Variants in LDB2 observed in about 807,000 individuals in gnomAD.
LDB2 encodes the protein LIM domain-binding protein 2.
A neutral mutation model predicts 44.3 loss-of-function variants in LDB2; 12 were observed. The observed-to-expected ratio is 0.27, with a 90% CI of 0.17 to 0.44. LDB2 has a LOEUF of 0.44. Among genes scored for constraint, LDB2 ranks in the 20% least tolerant of loss-of-function variants. The pLI, the probability that LDB2 is intolerant of heterozygous loss-of-function variation, is 1.00. For missense variants in LDB2, 344 were observed against 473.5 expected (o/e 0.73, Z 2.54); for synonymous variants, 164 against 174.8 (o/e 0.94, Z 0.49).
intron 2 of LDB2, among the ~76,000 whole-genome samples, chr4:16,642,639 A>G (rs988260037): frequency 6.6e-6 from 1 of 152,218 alleles, no homozygotes; most frequent in Non-Finnish European, 1.5e-5. Context: ...CTCCTCAATG[A>G]CAGTGGCTCT....
At position 16,582,591 on chromosome 4, in the gene LDB2, AC is replaced by A. The variant is rs956266579; in HGVS notation, c.615+3330del. ...GAACACTGAGGACATGCTTCGTGAA[AC>A]CCACCACCCGGTATCGGAATACCCA... On this transcript the variant is annotated intron_variant, in intron 5 of 7. Coordinates refer to ENST00000304523, the MANE Select transcript of LDB2 (RefSeq NM_001290.5). This position sits in a 1 kb window ranked among gnomAD's most constrained non-coding sequence, Gnocchi z 4.8. Among the ~76,000 whole-genome samples, 2 of 152,074 alleles carry A rather than the reference AC, an allele frequency of 1.3e-5. No individual in the cohort carries two copies. Among genetic ancestry groups the A allele is most frequent in the South Asian group, 2.1e-4 (1 of 4,802 alleles).
intron 1 of LDB2, among the ~76,000 whole-genome samples, chr4:16,779,257 G>T (rs57810877): frequency 2.8e-4 from 43 of 152,256 alleles, no homozygotes; most frequent in African/African-American, 9.9e-4. Context: ...GCTTTCCCCC[G>T]CTAAGTGCAC....
intron 2 of LDB2, among the ~76,000 whole-genome samples, chr4:16,689,305 T>C (rs1750017542): frequency 6.6e-6 from 1 of 152,214 alleles, no homozygotes; most frequent in Non-Finnish European, 1.5e-5. Flanking sequence ...GTTCCTACCC[T>C]TGCCTAGTAG....
chr4:16,796,715 G>A (rs879591336), intron 1 of LDB2, among the ~76,000 whole-genome samples: 23 of 152,148 alleles, frequency 1.5e-4, no homozygotes, highest in Non-Finnish European at 3.4e-4. Context: ...TCAGCCAGGT[G>A]ATCAAGCTTA....
intron 5 of LDB2, among the ~76,000 whole-genome samples, chr4:16,531,008 G>A (rs1302132470): frequency 6.6e-6 from 1 of 152,176 alleles, no homozygotes; most frequent in East Asian, 1.9e-4. Context: ...ACCATCATTG[G>A]TGTTTTCTAG....
intron 2 of LDB2, among the ~76,000 whole-genome samples, chr4:16,706,771 G>A (rs1456948794): frequency 2.0e-5 from 3 of 152,140 alleles, no homozygotes; most frequent in Non-Finnish European, 2.9e-5. Context: ...TTTAAATTAC[G>A]TGTAGGAGCC....
At chr4:16,731,850 T>C (rs1461998905) in intron 2 of LDB2, among the ~76,000 whole-genome samples, 5 of 152,142 alleles carry the variant, frequency 3.3e-5, no homozygotes. Flanking sequence ...TCTAGGTCTA[T>C]GTGCTTCCCT....
In LDB2 at chr4:16,813,943, C is replaced by T. The variant is rs550012027; in HGVS notation, c.133-54683G>A. Reference sequence around the variant, plus strand: ...CTGGAGTGCAGTGGCGCGATCTCGGCTCACTGCAAGCTCTGCCTCCCAGGT... The same window carrying T: ...CTGGAGTGCAGTGGCGCGATCTCGGTTCACTGCAAGCTCTGCCTCCCAGGT... On this transcript the variant is annotated intron_variant, in intron 1 of 7. Coordinates refer to ENST00000304523, the MANE Select transcript of LDB2 (RefSeq NM_001290.5). 5.3e-5 allele frequency among the ~76,000 whole-genome samples: 8 copies of T among 151,426 alleles called. No individual in the cohort carries two copies. The South Asian group carries it at 1.3e-3, about 24-fold the overall frequency.
At chr4:16,751,150 G>C (rs908463708) in intron 2 of LDB2, among the ~76,000 whole-genome samples, 1 of 152,110 alleles carries the variant, frequency 6.6e-6, no homozygotes, top group Non-Finnish European at 1.5e-5. Flanking sequence ...GAACAAGCTC[G>C]TGAGGGCAGT....
At chr4:16,841,776 T>C (rs943049791) in intron 1 of LDB2, among the ~76,000 whole-genome samples, 1 of 152,202 alleles carries the variant, frequency 6.6e-6, no homozygotes, top group Admixed American at 6.5e-5. Flanking sequence ...TACAATACTT[T>C]AGAGTTGGGA....
In LDB2 at chr4:16,665,148, C is replaced by T. The variant is rs572201748; in HGVS notation, c.236-69273G>A. On this transcript the variant is annotated intron_variant, in intron 2 of 7. Coordinates refer to ENST00000304523, the MANE Select transcript of LDB2 (RefSeq NM_001290.5). ...AAAGAGTAAAAAGAACAGTGCTTTCCTTCCCCACTGCAGCCTCCAGTTTGG... is the reference window on the plus strand; with the variant it reads ...AAAGAGTAAAAAGAACAGTGCTTTCTTTCCCCACTGCAGCCTCCAGTTTGG... Among the ~76,000 whole-genome samples the T allele has an allele frequency of 2.6e-5, 4 of 152,272 alleles. No individual in the cohort carries two copies. The East Asian group carries it at 7.7e-4, about 29-fold the overall frequency.
intron 2 of LDB2, among the ~76,000 whole-genome samples, chr4:16,746,813 TG>T (rs1368019986): frequency 6.6e-6 from 1 of 152,078 alleles, no homozygotes; most frequent in Non-Finnish European, 1.5e-5. Flanking sequence ...ATTAAAAAAA[TG>T]GGAAAATAGG....
chr4:16,717,150 G>A (rs1454093947), intron 2 of LDB2, among the ~76,000 whole-genome samples: 1 of 145,018 alleles, frequency 6.9e-6, no homozygotes, highest in Non-Finnish European at 1.5e-5. Flanking sequence ...TTTTGCCAAA[G>A]CTAATAGCAA....
intron 2 of LDB2, among the ~76,000 whole-genome samples, chr4:16,733,044 T>C (rs1761088938): frequency 1.3e-5 from 2 of 152,122 alleles, no homozygotes; most frequent in South Asian, 4.1e-4. Context: ...CAGATACACG[T>C]TTTTATAAAC....
intron 5 of LDB2, chr4:16,581,416 T>A: frequency 1.0e-6 from 1 of 985,306 alleles, no homozygotes; most frequent in Non-Finnish European, 1.2e-6. Context: ...GTCTTGACCA[T>A]GCTGTTACTG....
intron 2 of LDB2, among the ~76,000 whole-genome samples, chr4:16,753,183 G>A (rs1013110764): frequency 2.0e-5 from 3 of 152,184 alleles, no homozygotes; most frequent in African/African-American, 7.2e-5. Context: ...ATTAAGTGTG[G>A]TGTCAAAATG....
At chr4:16,831,949 CA>C (rs780221010) in intron 1 of LDB2, among the ~76,000 whole-genome samples, 6 of 152,120 alleles carry the variant, frequency 3.9e-5, no homozygotes, top group Non-Finnish European at 7.3e-5. Flanking sequence ...GCAACCCATG[CA>C]TTGAGACTGG....
intron 1 of LDB2, among the ~76,000 whole-genome samples, chr4:16,797,481 C>T (rs1776955900): frequency 1.3e-5 from 2 of 151,886 alleles, no homozygotes; most frequent in South Asian, 4.2e-4. Flanking sequence ...AGTAAAAAGT[C>T]TACTTAAAAA....
chr4:16,675,470 AAAAG>A (rs1336058643), intron 2 of LDB2, among the ~76,000 whole-genome samples: 2 of 152,138 alleles, frequency 1.3e-5, no homozygotes, highest in African/African-American at 2.4e-5. Context: ...TTTATTTAAA[AAAAG>A]AAAGAAAGAA....
Sources: allele counts gnomAD v4.1 joint callset (sites outside exome capture counted in the v4.1 genomes callset), GRCh38; gene constraint gnomAD v4.1.1; non-coding constraint Gnocchi (gnomAD v3.1); transcripts MANE v1.5; gene names NCBI Gene and HGNC (gene_info 2026-07-23, HGNC 2026-07-21).